The following NLRC4 variants were observed in gnomAD, a reference collection of about 807,000 sequenced individuals.
The protein encoded by NLRC4 is NLR family CARD domain-containing protein 4.
In NLRC4, 63 loss-of-function variants were observed where a neutral mutation model predicts 79.9. The observed-to-expected ratio is 0.79, with a 90% CI of 0.64 to 0.97. NLRC4 has a LOEUF of 0.97. Ranked by LOEUF, NLRC4 falls within the 50% of genes least tolerant of loss-of-function variation. The pLI is 0.00. For synonymous variants in NLRC4, 461 were observed against 456.5 expected (o/e 1.01, Z -0.12); for missense variants, 1,074 against 1,215.2 (o/e 0.88, Z 1.73).
At chr2:32,260,006 A>G (rs1687302470) in intron 1 of NLRC4, among the ~76,000 whole-genome samples, 1 of 152,152 alleles carries the variant, frequency 6.6e-6, no homozygotes, top group African/African-American at 2.4e-5. Flanking sequence ...AGGTGGGCGG[A>G]TCACCTGAGG....
Position 32,264,033 on chromosome 2 carries a change from A to C in NLRC4, c.-119+705T>G, listed in dbSNP as rs551195172. 1.6e-4 allele frequency among the ~76,000 whole-genome samples: 24 copies of C among 152,254 alleles called. 1 individual carries two copies. Among genetic ancestry groups the C allele is most frequent in the Admixed American group, 1.3e-3 (20 of 15,286 alleles). On this transcript the variant is annotated intron_variant, in intron 1 of 8. Coordinates refer to ENST00000402280, the MANE Select transcript of NLRC4 (RefSeq NM_001199138.2). ...GTGATTTCCTTCACTTCTGTCTCCA[A>C]ATATCAGGTTTCTCATCAGTAACTT...
intron 8 of NLRC4, among the ~76,000 whole-genome samples, chr2:32,231,116 T>C (rs973795876): frequency 6.6e-6 from 1 of 152,150 alleles, no homozygotes; most frequent in African/African-American, 2.4e-5. Context: ...ATTTTACAAA[T>C]TGGGTTATTT....
chr2:32,238,314 T>G lies in NLRC4; in HGVS notation c.2351-12A>C. 1 of 1,604,446 alleles carries G rather than the reference T, an allele frequency of 6.2e-7. No individual in the cohort carries two copies. Among genetic ancestry groups the G allele is most frequent in the Admixed American group, 1.7e-5 (1 of 58,400 alleles). On this transcript the variant is annotated splice_polypyrimidine_tract_variant and intron_variant, in intron 5 of 8. Coordinates refer to ENST00000402280, the MANE Select transcript of NLRC4 (RefSeq NM_001199138.2). ...TTTCAGGCCTTCAGCTGAAAAATGA[T>G]AGAAAGGAATGCATTAGGATACCAA... is the stretch of plus-strand genomic sequence containing the variant.
At chr2:32,246,571 CCATGGCTTCA>C (rs1686942619) in intron 4 of NLRC4, among the ~76,000 whole-genome samples, 1 of 152,224 alleles carries the variant, frequency 6.6e-6, no homozygotes, top group Non-Finnish European at 1.5e-5. Context: ...TTCCTGCTTC[CCATGGCTTCA>C]CACCACATAG....
Position 32,253,172 on chromosome 2 carries a change from C to T in NLRC4, c.2-493G>A, listed in dbSNP as rs368008617. 1.1e-4 allele frequency among the ~76,000 whole-genome samples: 17 copies of T among 151,670 alleles called. No individual in the cohort carries two copies. The South Asian group carries it at 1.5e-3, about 13-fold the overall frequency. ...TCTGCCAAGCATTTTTTTTCTGAGACGGAGTCTTGCTGTGTCACCCAGGCT... is the reference window on the plus strand; with the variant it reads ...TCTGCCAAGCATTTTTTTTCTGAGATGGAGTCTTGCTGTGTCACCCAGGCT... On this transcript the variant is annotated intron_variant, in intron 2 of 8. Coordinates refer to ENST00000402280, the MANE Select transcript of NLRC4 (RefSeq NM_001199138.2).
intron 5 of NLRC4, 26 bp downstream of exon 5, chr2:32,241,007 T>A (rs1686786903): frequency 7.2e-7 from 1 of 1,380,728 alleles, no homozygotes; most frequent in Admixed American, 1.7e-5. Flanking sequence ...CTTACATTGA[T>A]ACAAATATGA....
At chr2:32,254,108 C>T (rs957498054) in intron 2 of NLRC4, among the ~76,000 whole-genome samples, 13 of 151,894 alleles carry the variant, frequency 8.6e-5, no homozygotes, top group African/African-American at 2.7e-4. Flanking sequence ...AAGCTAACAG[C>T]GTATGTTAAC....
chr2:32,233,453 A>G (rs1162604941), intron 8 of NLRC4, among the ~76,000 whole-genome samples: 1 of 149,978 alleles, frequency 6.7e-6, no homozygotes, highest in Non-Finnish European at 1.5e-5. Context: ...TGGCCTCTCA[A>G]AGTGCTGGGA....
intron 2 of NLRC4, among the ~76,000 whole-genome samples, chr2:32,253,343 T>G (rs1321599369): frequency 6.6e-6 from 1 of 151,516 alleles, no homozygotes; most frequent in African/African-American, 2.4e-5. Context: ...AGAGACGGGG[T>G]TTCACCATTT....
chr2:32,244,031 CTT>C (rs1686871949), intron 4 of NLRC4, among the ~76,000 whole-genome samples: 1 of 152,282 alleles, frequency 6.6e-6, no homozygotes, highest in East Asian at 1.9e-4. Context: ...GGGAAAATCT[CTT>C]GAGCACAGGA....
Position 32,225,118 on chromosome 2 carries a change from A to C in NLRC4, c.2783-353T>G, listed in dbSNP as rs373750451. ...AGTACTTGTTTTCAAAACTGGAGTC[A>C]ATCTTTGGCAATATTAAGTCGTTTC... On this transcript the variant is annotated intron_variant, in intron 8 of 8. Transcript: ENST00000402280. 7.2e-5 allele frequency among the ~76,000 whole-genome samples: 11 copies of C among 152,278 alleles called. No homozygotes were observed. The South Asian group carries it at 1.5e-3, about 20-fold the overall frequency.
chr2:32,244,644 G>A (rs997819242), intron 4 of NLRC4, among the ~76,000 whole-genome samples: 9 of 152,014 alleles, frequency 5.9e-5, no homozygotes, highest in African/African-American at 2.2e-4. Context: ...AAATGTCAAG[G>A]AATCTACAAC....
At chr2:32,237,260 ATTAT>A (rs766611180) in intron 6 of NLRC4, among the ~76,000 whole-genome samples, 5 of 152,142 alleles carry the variant, frequency 3.3e-5, no homozygotes, top group Non-Finnish European at 7.4e-5. Flanking sequence ...ATTGGCTATT[ATTAT>A]TTTTAATCAA....
rs1687068525 is a variant in NLRC4 at position 32,251,201 on chromosome 2, CAGG to C, written c.660_662del (p.Leu221del). ...GCTTCCTGATTGTGCCAGGTATATC[CAGG>C]AGTTGATCACAGAGGGTTTCAAAAA... On this transcript the variant is annotated inframe_deletion, in exon 4 of 9. Transcript: ENST00000402280. 6.2e-7 allele frequency: 1 copy of C among 1,614,060 alleles called. No homozygotes were observed. Among genetic ancestry groups the C allele is most frequent in the Admixed American group, 1.7e-5 (1 of 60,006 alleles).
At chr2:32,257,056 C>G (rs1223357327) in intron 1 of NLRC4, among the ~76,000 whole-genome samples, 163 bp from the exon 2 acceptor site, 2 of 152,210 alleles carry the variant, frequency 1.3e-5, no homozygotes, top group African/African-American at 2.4e-5. Flanking sequence ...AAAGAGAACC[C>G]AGGCGGCTGG....
chr2:32,244,406 C>G (rs1208976482), intron 4 of NLRC4, among the ~76,000 whole-genome samples: 1 of 151,878 alleles, frequency 6.6e-6, no homozygotes, highest in Non-Finnish European at 1.5e-5. Context: ...TAAAAGACAC[C>G]TACAAGAAAA....
At chr2:32,226,298 G>A (rs1686394807) in intron 8 of NLRC4, among the ~76,000 whole-genome samples, 1 of 152,224 alleles carries the variant, frequency 6.6e-6, no homozygotes, top group Admixed American at 6.5e-5. Flanking sequence ...ATGGCCTTGT[G>A]TAGTTTGTTC....
intron 1 of NLRC4, among the ~76,000 whole-genome samples, chr2:32,261,217 T>C (rs1218434903): frequency 6.7e-6 from 1 of 149,722 alleles, no homozygotes; most frequent in Non-Finnish European, 1.5e-5. Flanking sequence ...AACAACACCA[T>C]GTATTTCACC....
chr2:32,233,341 ATATATATATTTTTTTTTTT>A (rs1370032999), intron 8 of NLRC4, among the ~76,000 whole-genome samples: 2 of 45,444 alleles, frequency 4.4e-5, no homozygotes, highest in African/African-American at 2.3e-4. Context: ...ATATATATAT[ATATATATATTTTTTTTTTT>A]TTTTTTTTAA....
Sources: allele counts gnomAD v4.1 joint callset (sites outside exome capture counted in the v4.1 genomes callset), GRCh38; gene constraint gnomAD v4.1.1; transcripts MANE v1.5; gene names NCBI Gene and HGNC (gene_info 2026-07-23, HGNC 2026-07-21).